Variants in ATF6 observed in about 807,000 individuals in gnomAD.
ATF6 encodes activating transcription factor 6.
Under a neutral mutation model 83.6 loss-of-function variants are expected in ATF6, and 53 were observed. That is an observed-to-expected ratio of 0.63 (90% CI 0.51 to 0.80). The LOEUF (loss-of-function observed/expected upper bound fraction) is 0.80, where lower values mean the gene tolerates loss of function less well. ATF6 is among the 30% of genes least tolerant of loss of function. The pLI is 0.00. For missense variants in ATF6, 744 were observed against 797.9 expected, an observed-to-expected ratio of 0.93 and a Z score of 0.81; for synonymous variants, 288 against 285.8, an observed-to-expected ratio of 1.01 and a Z score of -0.08.
chr1:161,908,952 T>C (rs1478547558), intron 14 of ATF6, among the ~76,000 whole-genome samples: 1 of 152,170 alleles, frequency 6.6e-6, no homozygotes, highest in Admixed American at 6.5e-5. Context: ...AAATATGGTT[T>C]CTATGCTGTT....
chr1:161,938,859 C>T (rs895088122), intron 15 of ATF6, among the ~76,000 whole-genome samples: 2 of 152,094 alleles, frequency 1.3e-5, no homozygotes, highest in African/African-American at 4.8e-5. Flanking sequence ...CTTTTCATTG[C>T]AGTGGGTTTG....
intron 14 of ATF6, among the ~76,000 whole-genome samples, chr1:161,880,499 T>G (rs1259451643): frequency 6.6e-6 from 1 of 152,116 alleles, no homozygotes; most frequent in Non-Finnish European, 1.5e-5. Context: ...TTACTACAAA[T>G]TAGTTTATAG....
Position 161,821,357 on chromosome 1 carries a change from T to C in ATF6, c.1187+196T>C, listed in dbSNP as rs535217949. On this transcript the variant is annotated intron_variant, in intron 9 of 15. Transcript: ENST00000367942. ...GACAAGTAGAAGGATGACTATGGTA[T>C]AATGTGATGAACATAATAATAACAG... is the stretch of plus-strand genomic sequence containing the variant. Among the ~76,000 whole-genome samples the C allele has an allele frequency of 4.2e-4, 64 of 152,318 alleles. 1 individual carries two copies. The highest frequency in any genetic ancestry group is 3.3e-3 in the South Asian group (16 of 4,824).
chr1:161,894,521 CTTTTTTTTTTT>C (rs71093131), intron 14 of ATF6, among the ~76,000 whole-genome samples: 8 of 44,848 alleles, frequency 1.8e-4, no homozygotes, highest in African/African-American at 3.3e-4. Flanking sequence ...GTTTTGTAGT[CTTTTTTTTTTT>C]TTTTTTTTTT....
chr1:161,802,305 C>T (rs201228457), intron 7 of ATF6, 33 bp downstream of exon 7: 2 of 1,582,130 alleles, frequency 1.3e-6, no homozygotes, highest in African/African-American at 2.7e-5. Context: ...TCTCTTAATG[C>T]CTGATTTAAA....
At chr1:161,875,832 C>G (rs1687206662) in intron 14 of ATF6, among the ~76,000 whole-genome samples, 1 of 151,724 alleles carries the variant, frequency 6.6e-6, no homozygotes, top group Non-Finnish European at 1.5e-5. Context: ...TGTGTATTTC[C>G]CATTTTGTCG....
chr1:161,885,476 T>C (rs1328784897), intron 14 of ATF6, among the ~76,000 whole-genome samples: 1 of 152,156 alleles, frequency 6.6e-6, no homozygotes, highest in Admixed American at 6.5e-5. Flanking sequence ...AAAAGCAGAA[T>C]GTGAAGCTGT....
intron 15 of ATF6, among the ~76,000 whole-genome samples, chr1:161,915,403 G>A (rs772027836): frequency 1.1e-4 from 16 of 152,270 alleles, no homozygotes; most frequent in Non-Finnish European, 2.1e-4. Flanking sequence ...GCTTTAAATA[G>A]TACCTGACTA....
intron 14 of ATF6, among the ~76,000 whole-genome samples, chr1:161,865,573 A>C (rs941984463): frequency 2.6e-5 from 4 of 152,252 alleles, no homozygotes; most frequent in Admixed American, 1.3e-4. Context: ...TTAGTTTGCT[A>C]TAAAAGTGCT....
At chr1:161,894,551 T>G (rs1403257815) in intron 14 of ATF6, among the ~76,000 whole-genome samples, 4 of 108,232 alleles carry the variant, frequency 3.7e-5, no homozygotes, top group African/African-American at 1.7e-4. Flanking sequence ...TTTTTTTTTT[T>G]TTTGAGACAG....
At chr1:161,789,926 G>A (rs1489226399) in intron 4 of ATF6, among the ~76,000 whole-genome samples, 1 of 152,180 alleles carries the variant, frequency 6.6e-6, no homozygotes, top group Non-Finnish European at 1.5e-5. Context: ...AAGGATGAAG[G>A]AAGATGCAAT....
intron 9 of ATF6, among the ~76,000 whole-genome samples, chr1:161,823,394 T>G (rs1359691267): frequency 6.6e-6 from 1 of 152,162 alleles, no homozygotes; most frequent in Non-Finnish European, 1.5e-5. Context: ...CACATTTATT[T>G]GCTACTAAAA....
intron 9 of ATF6, among the ~76,000 whole-genome samples, chr1:161,835,350 C>CT (rs1686188195): frequency 6.6e-6 from 1 of 152,154 alleles, no homozygotes; most frequent in African/African-American, 2.4e-5. Flanking sequence ...GCCAGCATGC[C>CT]CAGCCTTACT....
At chr1:161,899,796 C>G (rs146783307) in intron 14 of ATF6, among the ~76,000 whole-genome samples, 1 of 152,072 alleles carries the variant, frequency 6.6e-6, no homozygotes, top group Non-Finnish European at 1.5e-5. Flanking sequence ...GTTATTGAAC[C>G]TATGACCTAT....
chr1:161,886,545 A>T (rs1571214325), intron 14 of ATF6, among the ~76,000 whole-genome samples: 1 of 152,156 alleles, frequency 6.6e-6, no homozygotes, highest in Non-Finnish European at 1.5e-5. Context: ...CATATGGAAA[A>T]CCAAATTTCT....
intron 9 of ATF6, among the ~76,000 whole-genome samples, chr1:161,838,799 C>G (rs1167706352): frequency 1.3e-5 from 2 of 152,192 alleles, no homozygotes; most frequent in Non-Finnish European, 2.9e-5. Flanking sequence ...ACGGTAATCC[C>G]TGGCTCTGAG....
intron 9 of ATF6, among the ~76,000 whole-genome samples, chr1:161,831,023 G>A (rs1030980448): frequency 6.6e-6 from 1 of 152,130 alleles, no homozygotes; most frequent in African/African-American, 2.4e-5. Flanking sequence ...CCTACAGAAT[G>A]GGAGAAAATT....
intron 6 of ATF6, among the ~76,000 whole-genome samples, chr1:161,796,590 A>G (rs1051138292): frequency 6.6e-6 from 1 of 152,226 alleles, no homozygotes; most frequent in African/African-American, 2.4e-5. Context: ...TCAAATTTTT[A>G]TAGCTATACT....
intron 15 of ATF6, among the ~76,000 whole-genome samples, chr1:161,919,971 C>T (rs1029324094): frequency 3.9e-5 from 6 of 152,114 alleles, no homozygotes; most frequent in Admixed American, 6.5e-5. Context: ...ATTCATATAA[C>T]TGCTTTTGAT....
Sources: gnomAD v4.1 joint callset for allele counts (sites outside exome capture counted in the v4.1 genomes callset) on GRCh38, gnomAD v4.1.1 for gene constraint, MANE v1.5 for transcripts, NCBI Gene and HGNC (gene_info 2026-07-23, HGNC 2026-07-21) for gene names.